The following STAC variants were observed in gnomAD, a reference collection of about 807,000 sequenced individuals.
The protein encoded by STAC is SH3 and cysteine rich domain.
STAC carries 43 observed loss-of-function variants against 48.8 expected under a neutral mutation model. The observed-to-expected ratio is 0.88, with a 90% CI of 0.69 to 1.14. The LOEUF (loss-of-function observed/expected upper bound fraction) is 1.14. STAC is among the 50% of genes most tolerant of loss of function. The pLI is 0.00. For synonymous variants in STAC, 193 were observed against 179.5 expected (o/e 1.07, Z -0.60); for missense variants, 497 against 504.0 (o/e 0.99, Z 0.13).
At chr3:36,495,382 C>T (rs1478546216) in intron 6 of STAC, among the ~76,000 whole-genome samples, 5 of 152,136 alleles carry the variant, frequency 3.3e-5, no homozygotes, top group African/African-American at 9.7e-5. Context: ...ACTCTTGATC[C>T]CCTCACCCAG....
At chr3:36,426,519 T>C (rs1015046561) in intron 1 of STAC, among the ~76,000 whole-genome samples, 1 of 152,262 alleles carries the variant, frequency 6.6e-6, no homozygotes, top group Non-Finnish European at 1.5e-5. Flanking sequence ...ATACACATTG[T>C]TTGAAATACA....
chr3:36,540,987 G>A (rs903241202), intron 10 of STAC, among the ~76,000 whole-genome samples: 1 of 152,132 alleles, frequency 6.6e-6, no homozygotes, highest in Non-Finnish European at 1.5e-5. Flanking sequence ...GTCTGATAGA[G>A]GTCAGTTCTT....
chr3:36,381,910 C>T (rs1699517317), intron 1 of STAC, among the ~76,000 whole-genome samples: 1 of 152,068 alleles, frequency 6.6e-6, no homozygotes, highest in Non-Finnish European at 1.5e-5. Context: ...GCTGCCAGAC[C>T]TGGGGTATGT....
chr3:36,471,593 G>A (rs1000921643), intron 2 of STAC, among the ~76,000 whole-genome samples: 4 of 152,190 alleles, frequency 2.6e-5, no homozygotes, highest in African/African-American at 9.7e-5. Flanking sequence ...GGGGGTACAG[G>A]TGTTAGGTAA....
chr3:36,480,523 C>A (rs181023663), intron 2 of STAC, among the ~76,000 whole-genome samples: 15 of 152,166 alleles, frequency 9.9e-5, no homozygotes, highest in East Asian at 3.9e-4. Flanking sequence ...TCTTACCCCC[C>A]CTTATTTTAT....
chr3:36,489,945 G>A (rs1471535138), intron 5 of STAC, among the ~76,000 whole-genome samples: 1 of 152,180 alleles, frequency 6.6e-6, no homozygotes, highest in Non-Finnish European at 1.5e-5. Context: ...ATGCAAATTT[G>A]GGTTTCTGTC....
At chr3:36,512,812 T>C (rs1698576093) in intron 8 of STAC, among the ~76,000 whole-genome samples, 1 of 152,166 alleles carries the variant, frequency 6.6e-6, no homozygotes, top group Admixed American at 6.6e-5. Context: ...CAAGAGTTTG[T>C]AGGTTCCCAT....
At chr3:36,429,900 T>C (rs1240122274) in intron 1 of STAC, among the ~76,000 whole-genome samples, 2 of 152,136 alleles carry the variant, frequency 1.3e-5, no homozygotes, top group African/African-American at 4.8e-5. Context: ...AAACTGGAGG[T>C]CATAACACAG....
chr3:36,534,720 TTCTTCA>T (rs1273348636), intron 10 of STAC, among the ~76,000 whole-genome samples: 1 of 152,102 alleles, frequency 6.6e-6, no homozygotes, highest in Non-Finnish European at 1.5e-5. Context: ...CTTGTTGTTC[TTCTTCA>T]TCTTCTTTTT....
chr3:36,533,135 G>A (rs1221675596), intron 10 of STAC, among the ~76,000 whole-genome samples: 1 of 152,152 alleles, frequency 6.6e-6, no homozygotes, highest in African/African-American at 2.4e-5. Context: ...AGAGCAGCTT[G>A]GTTCCCAAGG....
intron 2 of STAC, among the ~76,000 whole-genome samples, chr3:36,444,077 T>C (rs540340921): frequency 6.6e-6 from 1 of 152,328 alleles, no homozygotes; most frequent in South Asian, 2.1e-4. Flanking sequence ...AAGTCAGGGT[T>C]CTGCAGTTCT....
intron 2 of STAC, among the ~76,000 whole-genome samples, chr3:36,473,447 T>TA (rs1313006590): frequency 6.6e-6 from 1 of 152,182 alleles, no homozygotes; most frequent in African/African-American, 2.4e-5. Context: ...ATACACCCTC[T>TA]AGCCATCACA....
chr3:36,534,392 GC>G (rs1344087825), intron 10 of STAC, among the ~76,000 whole-genome samples: 1 of 152,122 alleles, frequency 6.6e-6, no homozygotes, highest in Admixed American at 6.6e-5. Context: ...AGTGGTTAAT[GC>G]CACCTAAACT....
Position 36,443,689 on chromosome 3 carries a change from G to C in STAC, c.388+49G>C. 1 of 1,591,328 alleles carries C rather than the reference G, an allele frequency of 6.3e-7. No individual in the cohort carries two copies. Among genetic ancestry groups the C allele is most frequent in the Non-Finnish European group, 8.5e-7 (1 of 1,173,314 alleles). ...CAGATCCCAGCACCCCCGGAAAGCT[G>C]AGTGAGAGTGGTGTGCCACGGGTCC... On this transcript the variant is annotated intron_variant, in intron 2 of 10. Transcript: ENST00000273183. This position sits in a 1 kb window ranked among gnomAD's most constrained non-coding sequence, Gnocchi z 4.2.
At chr3:36,459,975 A>AT (rs1204289186) in intron 2 of STAC, among the ~76,000 whole-genome samples, 1 of 152,110 alleles carries the variant, frequency 6.6e-6, no homozygotes, top group Non-Finnish European at 1.5e-5. Flanking sequence ...AACTTCAAAG[A>AT]ACCATGTTAG....
At chr3:36,440,704 G>A (rs1163980271) in intron 1 of STAC, among the ~76,000 whole-genome samples, 2 of 152,212 alleles carry the variant, frequency 1.3e-5, no homozygotes, top group Admixed American at 6.5e-5. Context: ...AAAGTGCCTG[G>A]ATAAGGGAAA....
At chr3:36,398,254 G>C (rs1175739955) in intron 1 of STAC, among the ~76,000 whole-genome samples, 1 of 148,428 alleles carries the variant, frequency 6.7e-6, no homozygotes, top group Non-Finnish European at 1.5e-5. Context: ...TATGAGCTTT[G>C]TAGTAAGACT....
At chr3:36,505,549 T>C (rs1009311072) in intron 7 of STAC, among the ~76,000 whole-genome samples, 197 bp from the exon 8 acceptor site, 1 of 152,172 alleles carries the variant, frequency 6.6e-6, no homozygotes, top group African/African-American at 2.4e-5. Flanking sequence ...AAATTGTTTA[T>C]AGTGAAACCA....
rs746769109 is a variant in STAC, at chr3:36,540,282, G to A, written c.1111-5909G>A. ...GGACTTCTGAACCCTAGAACTGTAA[G>A]ATAATAAATTTGTGTTGTTATAAGC... On this transcript the variant is annotated intron_variant, in intron 10 of 10. Transcript: ENST00000273183. Among the ~76,000 whole-genome samples, 59 of 152,282 alleles carry A rather than the reference G, an allele frequency of 3.9e-4. 1 individual carries two copies. The Middle Eastern group carries it at 0.017, about 44-fold the overall frequency.
Sources: gnomAD v4.1 joint callset for allele counts (sites outside exome capture counted in the v4.1 genomes callset) on GRCh38, gnomAD v4.1.1 for gene constraint, Gnocchi (gnomAD v3.1) non-coding constraint, MANE v1.5 for transcripts, NCBI Gene and HGNC (gene_info 2026-07-23, HGNC 2026-07-21) for gene names.